The following F10 variants were observed in gnomAD, a reference collection of about 807,000 sequenced individuals.
The protein encoded by F10 is Stuart-Prower factor.
A neutral mutation model predicts 37.1 loss-of-function variants in F10; 29 were observed. The ratio of observed to expected loss-of-function variants is 0.78; its 90% CI spans 0.58 to 1.07. The LOEUF (loss-of-function observed/expected upper bound fraction) is 1.07, where lower values mean the gene tolerates loss of function less well. F10 is among the 50% of genes least tolerant of loss of function. The pLI is 0.00. For missense variants in F10, 539 were observed against 667.9 expected (o/e 0.81, Z 2.13); for synonymous variants, 262 against 268.6 (o/e 0.98, Z 0.24).
chr13:113,148,643 G>A (rs1353207463), intron 7 of F10, among the ~76,000 whole-genome samples: 4 of 151,996 alleles, frequency 2.6e-5, no homozygotes, highest in South Asian at 4.1e-4. Context: ...TGGTGCCCAC[G>A]ACTGGCACAG....
intron 5 of F10, among the ~76,000 whole-genome samples, chr13:113,142,920 GAAACTCCATCTCAAAAA>G (rs1351242793): frequency 2.0e-5 from 3 of 150,480 alleles, no homozygotes; most frequent in Non-Finnish European, 4.4e-5. Context: ...AGACAAGAGA[GAAACTCCATCTCAAAAA>G]AAAAAAAAAG....
intron 1 of F10, 21 bp downstream of exon 1, chr13:113,122,946 A>C: frequency 1.2e-6 from 2 of 1,607,344 alleles, no homozygotes; most frequent in Non-Finnish European, 1.7e-6. Context: ...CTCGCCCTTC[A>C]GACCCAAAAG....
rs1439275229 is a variant in F10 at position 113,146,947 on chromosome 13, C to A, written c.748-432C>A. 6.6e-6 allele frequency among the ~76,000 whole-genome samples: 1 copy of A among 152,142 alleles called. No homozygotes were observed. The highest frequency in any genetic ancestry group is 1.5e-5 in the Non-Finnish European group (1 of 68,024). ...CACCTGGGATGGAGGTGTCCGTGCA[C>A]CATGGGGGACAGGCTCACACTGCTG... is the stretch of plus-strand genomic sequence containing the variant. On this transcript the variant is annotated intron_variant, in intron 6 of 7. Coordinates refer to ENST00000375559, the MANE Select transcript of F10 (RefSeq NM_000504.4). This position sits in a 1 kb window ranked among gnomAD's most constrained non-coding sequence, Gnocchi z 4.5.
intron 4 of F10, chr13:113,140,658 G>T: frequency 1.5e-6 from 1 of 664,654 alleles, no homozygotes. Flanking sequence ...CTGGGGCAGG[G>T]GGTACCGGCC....
At position 113,139,527 on chromosome 13, in the gene F10, G is replaced by T; in HGVS notation, c.370+57G>T. ...CAGATGCCCCTGAAGAGTGGCAGGT[G>T]GGCGGGGGAAGAAGTGAAAACGCCT... On this transcript the variant is annotated intron_variant, in intron 4 of 7. Transcript: ENST00000375559. The surrounding 1 kb of genome is among the most constrained non-coding windows in gnomAD (Gnocchi z 5.2). 2 of 1,385,944 alleles carry T rather than the reference G, an allele frequency of 1.4e-6. No individual in the cohort carries two copies. Among genetic ancestry groups the T allele is most frequent in the Non-Finnish European group, 2.1e-6 (2 of 974,730 alleles). The allele number at this position is 1,385,944 out of a possible 1,614,324, so 85.9% of individuals were successfully genotyped here.
chr13:113,125,176 G>A (rs972368237), intron 1 of F10, among the ~76,000 whole-genome samples: 2 of 152,218 alleles, frequency 1.3e-5, no homozygotes, highest in African/African-American at 4.8e-5. Flanking sequence ...CCACCTGTGA[G>A]TGTTTTCTGC....
intron 1 of F10, among the ~76,000 whole-genome samples, chr13:113,123,273 AG>A (rs2036337472): frequency 6.6e-6 from 1 of 151,916 alleles, no homozygotes; most frequent in Admixed American, 6.6e-5. Context: ...AGAGAGAGGG[AG>A]GGGTTGGGGC....
At chr13:113,142,279 T>G (rs141687158) in intron 5 of F10, among the ~76,000 whole-genome samples, 1 of 152,038 alleles carries the variant, frequency 6.6e-6, no homozygotes, top group Non-Finnish European at 1.5e-5. Context: ...CAGTAGCTCA[T>G]GCCTGTAATC....
Position 113,139,460 on chromosome 13 carries a change from CTG to C in F10, c.363_364del (p.Cys121Ter), listed in dbSNP as rs1182871630. ...GTTTAGAAGGATTCGAAGGCAAAAACTGTGAATTATGTAGGTTCCTCTGCTTG... is the reference window on the plus strand; with the variant it reads ...GTTTAGAAGGATTCGAAGGCAAAAACTGAATTATGTAGGTTCCTCTGCTTG... ...TCLEGFEGKN[C>X]ELFTRKLCSL... On this transcript the variant is annotated frameshift_variant, in exon 4 of 8. Transcript: ENST00000375559. LOFTEE classifies it high-confidence loss of function. The surrounding 1 kb of genome is among the most constrained non-coding windows in gnomAD (Gnocchi z 5.2). 1.2e-6 allele frequency: 2 copies of C among 1,613,646 alleles called. No individual in the cohort carries two copies.
rs191582311 is a variant in F10 at position 113,143,273 on chromosome 13, A to T, written c.503-578A>T. On this transcript the variant is annotated intron_variant, in intron 5 of 7. Coordinates refer to ENST00000375559, the MANE Select transcript of F10 (RefSeq NM_000504.4). The surrounding 1 kb of genome is among the most constrained non-coding windows in gnomAD (Gnocchi z 6.8). ...CCGTTATACAAAAGGAAGCTTCCTA[A>T]CATCTCGGCGTGGCCTCTCTGGGAG... Among the ~76,000 whole-genome samples the T allele has an allele frequency of 4.6e-5, 7 of 151,966 alleles. No homozygotes were observed. The highest frequency in any genetic ancestry group is 3.9e-4 in the Admixed American group (6 of 15,280).
In F10 at chr13:113,139,975, T is replaced by C. The variant is rs186609646; in HGVS notation, c.370+505T>C. The stretch of plus-strand genomic sequence containing the variant: ...AAAAATCACTAAGTGCTTTCTCTAA[T>C]GTGGTGATTAAGTTTTAAATAAAAA... On this transcript the variant is annotated intron_variant, in intron 4 of 7. Transcript: ENST00000375559. This position sits in a 1 kb window ranked among gnomAD's most constrained non-coding sequence, Gnocchi z 5.2. Among the ~76,000 whole-genome samples, 590 of 152,318 alleles carry C rather than the reference T, an allele frequency of 3.9e-3. 4 individuals are homozygous for C. The highest frequency in any genetic ancestry group is 0.02 in the Middle Eastern group (6 of 294).
chr13:113,142,308 A>C (rs570253224), intron 5 of F10, among the ~76,000 whole-genome samples: 5 of 152,224 alleles, frequency 3.3e-5, no homozygotes, highest in Non-Finnish European at 7.4e-5. Context: ...TTGGGAGGCC[A>C]AGGCGGGCGG....
In F10 at chr13:113,148,904, C is replaced by G; in HGVS notation, c.866-12C>G. The G allele has an allele frequency of 6.2e-7, 1 of 1,612,422 alleles. No homozygotes were observed. Among genetic ancestry groups the G allele is most frequent in the Non-Finnish European group, 8.5e-7 (1 of 1,179,120 alleles). The stretch of plus-strand genomic sequence containing the variant: ...TGGCTGAGCTGAGCACAGTCCCACT[C>G]GTCTGTCCCAGGGGACCGGAACACG... On this transcript the variant is annotated splice_polypyrimidine_tract_variant and intron_variant, in intron 7 of 7. Transcript: ENST00000375559.
rs2036614865 is a variant in F10, at chr13:113,149,153, A to G, written c.1103A>G (p.His368Arg). ...ATTGTGAGCGGCTTCGGGCGCACCC[A>G]CGAGAAGGGCCGGCAGTCCACCAGG... ...TGIVSGFGRT[H>R]EKGRQSTRLK... Residue 368 changes from histidine (H) to arginine (R), a missense_variant, in exon 8 of 8, where the codon CAC (histidine) becomes CGC (arginine). By Grantham distance (29) the His-to-Arg change is conservative. Coordinates refer to ENST00000375559, the MANE Select transcript of F10 (RefSeq NM_000504.4). The surrounding 1 kb of genome is among the most constrained non-coding windows in gnomAD (Gnocchi z 7.5). 1.2e-6 allele frequency: 2 copies of G among 1,612,892 alleles called. No homozygotes were observed. The highest frequency in any genetic ancestry group is 1.7e-6 in the Non-Finnish European group (2 of 1,179,988).
intron 1 of F10, among the ~76,000 whole-genome samples, chr13:113,123,772 T>C (rs1343636322): frequency 6.6e-6 from 1 of 152,092 alleles, no homozygotes; most frequent in Non-Finnish European, 1.5e-5. Flanking sequence ...CCTGGTGACT[T>C]GGAGCTCCAG....
At position 113,143,398 on chromosome 13, in the gene F10, T is replaced by G. The variant is rs1335590145; in HGVS notation, c.503-453T>G. ...TTCTTCAATGTTTCATTAGGAAAAGTTTTCCAACACACAGCACACTGGAAA... is the reference window on the plus strand; with the variant it reads ...TTCTTCAATGTTTCATTAGGAAAAGGTTTCCAACACACAGCACACTGGAAA... On this transcript the variant is annotated intron_variant, in intron 5 of 7. Coordinates refer to ENST00000375559, the MANE Select transcript of F10 (RefSeq NM_000504.4). The surrounding 1 kb of genome is among the most constrained non-coding windows in gnomAD (Gnocchi z 6.8). 6.6e-6 allele frequency among the ~76,000 whole-genome samples: 1 copy of G among 151,976 alleles called. No homozygotes were observed. The highest frequency in any genetic ancestry group is 6.5e-5 in the Admixed American group (1 of 15,268).
chr13:113,137,377 T>C (rs1771290599), intron 2 of F10, among the ~76,000 whole-genome samples: 1 of 151,532 alleles, frequency 6.6e-6, no homozygotes, highest in Non-Finnish European at 1.5e-5. Context: ...CATGGGGTAT[T>C]TGGGGGGGAA....
intron 3 of F10, among the ~76,000 whole-genome samples, chr13:113,138,966 T>G (rs1404780627): frequency 6.6e-6 from 1 of 152,254 alleles, no homozygotes; most frequent in Admixed American, 6.5e-5. Flanking sequence ...TGTTAGTGTT[T>G]GCCTTCTCCT....
Position 113,139,282 on chromosome 13 carries a change from G to A in F10, c.257-75G>A. 3 of 1,239,876 alleles carry A rather than the reference G, an allele frequency of 2.4e-6. No homozygotes were observed. The highest frequency in any genetic ancestry group is 3.5e-6 in the Non-Finnish European group (3 of 849,972). The allele number at this position is 1,239,876 out of a possible 1,614,324, so 76.8% of individuals were successfully genotyped here. A position where few individuals can be genotyped will look rare whatever the true frequency, so the allele number is the denominator to read the frequency against. On this transcript the variant is annotated intron_variant, in intron 3 of 7. Coordinates refer to ENST00000375559, the MANE Select transcript of F10 (RefSeq NM_000504.4). The surrounding 1 kb of genome is among the most constrained non-coding windows in gnomAD (Gnocchi z 5.2). ...CAGTTATCTGAACGGCAGGGCCAAGGTTAGCACAGCAAAACTGTTTCCATG... is the reference window on the plus strand; with the variant it reads ...CAGTTATCTGAACGGCAGGGCCAAGATTAGCACAGCAAAACTGTTTCCATG...
Sources: allele counts gnomAD v4.1 joint callset (sites outside exome capture counted in the v4.1 genomes callset), GRCh38; gene constraint gnomAD v4.1.1; non-coding constraint Gnocchi (gnomAD v3.1); transcripts MANE v1.5; gene names NCBI Gene and HGNC (gene_info 2026-07-23, HGNC 2026-07-21).